PCLO: variants seen among roughly 807,000 people sequenced by gnomAD.
PCLO encodes protein piccolo.
Under a neutral mutation model 427.5 loss-of-function variants are expected in PCLO, and 82 were observed. The ratio of observed to expected loss-of-function variants is 0.19; its 90% CI spans 0.16 to 0.23. The LOEUF (loss-of-function observed/expected upper bound fraction) is 0.23. PCLO is among the 10% of genes least tolerant of loss of function. The pLI is 1.00. For synonymous variants in PCLO, 2,357 were observed against 2,155.4 expected, an observed-to-expected ratio of 1.09 and a Z score of -2.59; for missense variants, 6,239 against 6,115.9, an observed-to-expected ratio of 1.02 and a Z score of -0.67.
At chr7:82,792,064 GT>G (rs973958815) in intron 22 of PCLO, among the ~76,000 whole-genome samples, 32 of 151,916 alleles carry the variant, frequency 2.1e-4, no homozygotes, top group African/African-American at 7.5e-4. Context: ...TCAAAGTCAG[GT>G]TTTTTAAAAG....
intron 21 of PCLO, among the ~76,000 whole-genome samples, chr7:82,804,627 T>C (rs149274273): frequency 3.9e-4 from 60 of 152,286 alleles, no homozygotes; most frequent in Admixed American, 1.6e-3. Context: ...GTAAATATTT[T>C]AGATGGGCTG....
In PCLO at chr7:83,162,720, T is replaced by C. The variant is rs1334096703; in HGVS notation, c.-128A>G. 33 of 1,256,236 alleles carry C rather than the reference T, an allele frequency of 2.6e-5. No individual in the cohort carries two copies. The highest frequency in any genetic ancestry group is 1.7e-4 in the Admixed American group (6 of 34,540). The allele number at this position is 1,256,236 out of a possible 1,614,324, so 77.8% of individuals were successfully genotyped here. A position where few individuals can be genotyped will look rare whatever the true frequency, so the allele number is the denominator to read the frequency against. The stretch of plus-strand genomic sequence containing the variant: ...CGTGCAGGCAGCCGAGTCCCTGGAC[T>C]CTGGACCAGGCACTGCCGCCCGGAA... On this transcript the variant is annotated 5_prime_UTR_variant, in exon 1 of 25. Transcript: ENST00000333891.
chr7:82,839,902 AAAT>A (rs374069195), intron 14 of PCLO, among the ~76,000 whole-genome samples: 1 of 151,916 alleles, frequency 6.6e-6, no homozygotes, highest in South Asian at 2.1e-4. Flanking sequence ...TGCTAAAATA[AAAT>A]AATAATAATA....
intron 12 of PCLO, among the ~76,000 whole-genome samples, 195 bp from the exon 13 acceptor site, chr7:82,845,680 A>G (rs891673426): frequency 2.0e-5 from 3 of 152,168 alleles, no homozygotes; most frequent in African/African-American, 7.2e-5. Flanking sequence ...GAAGAGTGAC[A>G]TAATGCTGAA....
intron 3 of PCLO, among the ~76,000 whole-genome samples, chr7:83,107,063 T>C (rs1458778293): frequency 6.6e-6 from 1 of 152,158 alleles, no homozygotes; most frequent in Non-Finnish European, 1.5e-5. Context: ...TCTTTTTTTA[T>C]TTTTAACTTT....
chr7:82,972,046 C>T (rs1361933132), intron 3 of PCLO, among the ~76,000 whole-genome samples: 1 of 151,704 alleles, frequency 6.6e-6, no homozygotes, highest in African/African-American at 2.4e-5. Context: ...TTATTCAGTG[C>T]TATAACATTA....
chr7:82,920,895 C>A (rs1336737450), intron 6 of PCLO, among the ~76,000 whole-genome samples: 2 of 151,540 alleles, frequency 1.3e-5, no homozygotes, highest in Non-Finnish European at 3.0e-5. Flanking sequence ...TACACAGGGG[C>A]TATTGTTTAA....
In PCLO at chr7:82,955,868, T is replaced by C. The variant is rs374002330; in HGVS notation, c.5085A>G (p.Glu1695=). 1 of 1,613,940 alleles carries C rather than the reference T, an allele frequency of 6.2e-7. No individual in the cohort carries two copies. The highest frequency in any genetic ancestry group is 1.3e-5 in the African/African-American group (1 of 75,046). The stretch of plus-strand genomic sequence containing the variant: ...GGCTTTCCATTTCCAATTCTGGCTC[T>C]TCGTCAAAATACAAACTTGTTTTTT... The part of the protein sequence containing the change: ...SQKKTSLYFD[E]EPELEMESLT... The change falls in exon 5 of 25, where the codon GAA becomes GAG. Residue 1695 remains glutamate (E), a synonymous_variant. Transcript: ENST00000333891.
chr7:82,914,374 A>T, intron 7 of PCLO: 1 of 510,080 alleles, frequency 2.0e-6, no homozygotes, highest in Non-Finnish European at 3.4e-6. Flanking sequence ...TCAACTATGG[A>T]TTTATAGGAT....
chr7:82,791,660 A>T (rs1004545453), intron 22 of PCLO, among the ~76,000 whole-genome samples: 1 of 152,190 alleles, frequency 6.6e-6, no homozygotes, highest in Non-Finnish European at 1.5e-5. Flanking sequence ...TCGTGTCCAT[A>T]GTACTTTCTT....
Position 82,801,732 on chromosome 7 carries a change from T to C in PCLO, c.14934-141A>G, listed in dbSNP as rs554500586. 18 of 599,408 alleles carry C rather than the reference T, an allele frequency of 3.0e-5. No individual in the cohort carries two copies. The East Asian group carries it at 4.5e-4, about 15-fold the overall frequency. The allele number at this position is 599,408 out of a possible 1,614,324, so 37.1% of individuals were successfully genotyped here. A position where few individuals can be genotyped will look rare whatever the true frequency, so the allele number is the denominator to read the frequency against. On this transcript the variant is annotated intron_variant, in intron 21 of 24. Coordinates refer to ENST00000333891, the MANE Select transcript of PCLO (RefSeq NM_033026.6). ...TTGCACAACCGAATATTTTTGGACTTGCAATAATTATTTGAATGGCACATA... is the reference window on the plus strand; with the variant it reads ...TTGCACAACCGAATATTTTTGGACTCGCAATAATTATTTGAATGGCACATA...
intron 3 of PCLO, among the ~76,000 whole-genome samples, chr7:83,087,520 A>G (rs930668832): frequency 1.3e-5 from 2 of 152,200 alleles, no homozygotes; most frequent in African/African-American, 4.8e-5. Context: ...ACTATTTACA[A>G]TTATGTTCCT....
intron 9 of PCLO, among the ~76,000 whole-genome samples, chr7:82,883,741 C>A (rs937968350): frequency 6.6e-6 from 1 of 152,014 alleles, no homozygotes; most frequent in Non-Finnish European, 1.5e-5. Flanking sequence ...AATTGCTGTT[C>A]AGCATCCTTT....
At chr7:82,910,680 T>C (rs920456079) in intron 7 of PCLO, among the ~76,000 whole-genome samples, 6 of 152,172 alleles carry the variant, frequency 3.9e-5, no homozygotes, top group South Asian at 2.1e-4. Flanking sequence ...ATCCTAGTTA[T>C]GATAAACACA....
intron 10 of PCLO, among the ~76,000 whole-genome samples, chr7:82,872,160 G>T (rs1209600741): frequency 6.6e-6 from 1 of 151,822 alleles, no homozygotes; most frequent in Non-Finnish European, 1.5e-5. Flanking sequence ...TAAAGAGACA[G>T]AAAATAAAAA....
chr7:83,114,819 G>A (rs1178771492), intron 3 of PCLO, among the ~76,000 whole-genome samples: 3 of 151,968 alleles, frequency 2.0e-5, no homozygotes, highest in Admixed American at 6.6e-5. Flanking sequence ...AAGGTTATAA[G>A]GATGATTTGT....
chr7:83,116,641 G>A (rs1179030416), intron 3 of PCLO, among the ~76,000 whole-genome samples: 1 of 152,064 alleles, frequency 6.6e-6, no homozygotes, highest in East Asian at 1.9e-4. Flanking sequence ...TTTGTGGTGA[G>A]AACACTTTTA....
At chr7:82,962,291 A>T (rs1795671460) in intron 4 of PCLO, among the ~76,000 whole-genome samples, 1 of 152,122 alleles carries the variant, frequency 6.6e-6, no homozygotes, top group African/African-American at 2.4e-5. Context: ...TCTTCTTTTG[A>T]ATTTTCTTTC....
intron 3 of PCLO, among the ~76,000 whole-genome samples, chr7:82,984,735 C>T (rs2115799458): frequency 6.6e-6 from 1 of 152,086 alleles, no homozygotes; most frequent in East Asian, 1.9e-4. Context: ...TAATATAACA[C>T]AGTCATGCCT....
Sources: allele counts gnomAD v4.1 joint callset (sites outside exome capture counted in the v4.1 genomes callset), GRCh38; gene constraint gnomAD v4.1.1; transcripts MANE v1.5; gene names NCBI Gene and HGNC (gene_info 2026-07-23, HGNC 2026-07-21).